DIAPH3: variants seen among roughly 807,000 people sequenced by gnomAD.
DIAPH3 encodes the protein protein diaphanous homolog 3.
Under a neutral mutation model 144.3 loss-of-function variants are expected in DIAPH3, and 117 were observed. The ratio of observed to expected loss-of-function variants is 0.81; its 90% CI spans 0.70 to 0.95. The LOEUF is 0.95. Ranked by LOEUF, DIAPH3 falls within the 40% of genes least tolerant of loss-of-function variation. DIAPH3 has a pLI of 0.00. For missense variants in DIAPH3, 1,421 were observed against 1,412.7 expected (o/e 1.01, Z -0.09); for synonymous variants, 519 against 488.9 (o/e 1.06, Z -0.81).
At chr13:60,092,962 A>C (rs1355935580) in intron 4 of DIAPH3, among the ~76,000 whole-genome samples, 1 of 152,158 alleles carries the variant, frequency 6.6e-6, no homozygotes, top group Non-Finnish European at 1.5e-5. Flanking sequence ...CTTTCTACTG[A>C]TTGCTTCTTC....
intron 3 of DIAPH3, among the ~76,000 whole-genome samples, chr13:60,106,096 T>G (rs1262578625): frequency 6.6e-6 from 1 of 152,062 alleles, no homozygotes; most frequent in African/African-American, 2.4e-5. Context: ...ACCAAAAATA[T>G]CAAAAGAACA....
In DIAPH3 at chr13:59,686,528, C is replaced by CTATTTTTTAAAAGT. The variant is rs529809845; in HGVS notation, c.3320-19683_3320-19682insACTTTTAAAAAATA. The stretch of plus-strand genomic sequence containing the variant: ...GCTCTTCAGGAAAAAAAAAAAAGTA[C>CTATTTTTTAAAAGT]TGCTATTTAATAAACTCAAGGATCT... On this transcript the variant is annotated intron_variant, in intron 27 of 27. Transcript: ENST00000400324. 1.6e-3 allele frequency among the ~76,000 whole-genome samples: 239 copies of CTATTTTTTAAAAGT among 151,148 alleles called. 1 individual carries two copies. The highest frequency in any genetic ancestry group is 5.6e-3 in the African/African-American group (233 of 41,254).
At position 59,986,751 on chromosome 13, in the gene DIAPH3, A is replaced by C. The variant is rs1444919741; in HGVS notation, c.1362-2864T>G. ...GCTCATCATCACTGGCCATCAGAGA[A>C]ATGCAAATCAAAACCACTATGAGAT... is the stretch of plus-strand genomic sequence containing the variant. On this transcript the variant is annotated intron_variant, in intron 12 of 27. Transcript: ENST00000400324. Among the ~76,000 whole-genome samples the C allele has an allele frequency of 2.0e-5, 3 of 149,758 alleles. No homozygotes were observed. The East Asian group carries it at 5.9e-4, about 29-fold the overall frequency.
intron 14 of DIAPH3, among the ~76,000 whole-genome samples, chr13:59,975,767 C>T (rs980792985): frequency 7.9e-5 from 12 of 152,044 alleles, no homozygotes; most frequent in African/African-American, 2.7e-4. Flanking sequence ...CAGTCTCAAC[C>T]TGTGTTCCTT....
chr13:60,132,187 C>G (rs572807159), intron 2 of DIAPH3, among the ~76,000 whole-genome samples: 14 of 152,120 alleles, frequency 9.2e-5, no homozygotes, highest in Admixed American at 3.3e-4. Context: ...TCTGCCTTAC[C>G]CAGGTGCATA....
At chr13:60,023,730 A>G (rs532184834) in intron 5 of DIAPH3, among the ~76,000 whole-genome samples, 34 of 151,630 alleles carry the variant, frequency 2.2e-4, no homozygotes, top group Non-Finnish European at 4.3e-4. Flanking sequence ...CACCGTGCCC[A>G]GCCTAGTTCT....
intron 25 of DIAPH3, among the ~76,000 whole-genome samples, chr13:59,800,930 A>G (rs1048831453): frequency 1.3e-5 from 2 of 152,204 alleles, no homozygotes; most frequent in Admixed American, 6.5e-5. Context: ...TGCGTTCAAG[A>G]AATAATGAGT....
At chr13:60,133,715 G>C (rs926770385) in intron 1 of DIAPH3, among the ~76,000 whole-genome samples, 14 of 152,056 alleles carry the variant, frequency 9.2e-5, no homozygotes, top group African/African-American at 3.4e-4. Flanking sequence ...TAATTATTTA[G>C]AGAAAAAACA....
intron 7 of DIAPH3, 38 bp from the exon 8 acceptor site, chr13:60,010,707 ATTAG>A (rs778831681): frequency 3.8e-6 from 6 of 1,593,084 alleles, no homozygotes; most frequent in Admixed American, 3.4e-5. Context: ...AATGTTAGAA[ATTAG>A]TTAGAAAAAT....
At chr13:59,678,193 G>C (rs931518133) in intron 27 of DIAPH3, among the ~76,000 whole-genome samples, 20 of 152,078 alleles carry the variant, frequency 1.3e-4, no homozygotes, top group African/African-American at 4.6e-4. Context: ...CTGACGGACT[G>C]GCCTTTTTTT....
At chr13:59,914,376 A>C (rs919604025) in intron 19 of DIAPH3, among the ~76,000 whole-genome samples, 4 of 152,186 alleles carry the variant, frequency 2.6e-5, no homozygotes, top group African/African-American at 7.2e-5. Context: ...GTTCAAAATA[A>C]ATTTTTACAT....
At chr13:60,121,057 C>A (rs1477254365) in intron 2 of DIAPH3, among the ~76,000 whole-genome samples, 1 of 152,082 alleles carries the variant, frequency 6.6e-6, no homozygotes, top group Non-Finnish European at 1.5e-5. Flanking sequence ...AATAAATGTT[C>A]TTCACTATTG....
At chr13:60,139,592 C>A (rs1175602758) in intron 1 of DIAPH3, among the ~76,000 whole-genome samples, 1 of 152,050 alleles carries the variant, frequency 6.6e-6, no homozygotes, top group Non-Finnish European at 1.5e-5. Context: ...AGATGCATTT[C>A]TCTGAGAACA....
At position 59,810,919 on chromosome 13, in the gene DIAPH3, G is replaced by A. The variant is rs1407239240; in HGVS notation, c.3032C>T (p.Ala1011Val). Residue 1011 changes from alanine to valine, a missense_variant, in exon 25 of 28, where the codon GCA (alanine) becomes GTA (valine). Transcript: ENST00000400324. The stretch of plus-strand genomic sequence containing the variant: ...TCTTTTTTTGATATTCTCCTTTATT[G>A]CTTGCTAAAAAAATTTTGAAAAATG... ...LNNFRTTFMQ[A>V]IKENIKKREA... 6.8e-7 allele frequency: 1 copy of A among 1,464,578 alleles called. No individual in the cohort carries two copies. The highest frequency in any genetic ancestry group is 9.0e-7 in the Non-Finnish European group (1 of 1,110,006). The allele number at this position is 1,464,578 out of a possible 1,614,324, so 90.7% of individuals were successfully genotyped here. A position where few individuals can be genotyped will look rare whatever the true frequency, so the allele number is the denominator to read the frequency against.
chr13:60,014,777 A>G (rs2053519653), intron 7 of DIAPH3, among the ~76,000 whole-genome samples: 1 of 152,196 alleles, frequency 6.6e-6, no homozygotes, highest in South Asian at 2.1e-4. Flanking sequence ...GCTGTCTAAC[A>G]GCAACTTAAA....
In DIAPH3 at chr13:60,008,687, A is replaced by G. The variant is rs764258345; in HGVS notation, c.909-38T>C. 6 of 1,252,292 alleles carry G rather than the reference A, an allele frequency of 4.8e-6. No individual in the cohort carries two copies. In the Admixed American group the frequency reaches 1.0e-4, roughly 21 times the overall value. 77.6% of individuals were successfully genotyped at this position (1,252,292 alleles called of 1,614,324 possible). A position where few individuals can be genotyped will look rare whatever the true frequency, so the allele number is the denominator to read the frequency against. ...TTGAGTCAATTAAATTGCAAGTAGC[A>G]AACACAAATGCCATAATACAATTGC... is the stretch of plus-strand genomic sequence containing the variant. On this transcript the variant is annotated intron_variant, in intron 8 of 27. Transcript: ENST00000400324.
chr13:59,768,661 T>C (rs2037973221), intron 27 of DIAPH3, among the ~76,000 whole-genome samples: 1 of 152,146 alleles, frequency 6.6e-6, no homozygotes, highest in African/African-American at 2.4e-5. Flanking sequence ...TAGAAAAATA[T>C]GCTAATTCAA....
chr13:59,709,446 A>G (rs892134496), intron 27 of DIAPH3, among the ~76,000 whole-genome samples: 2 of 152,344 alleles, frequency 1.3e-5, no homozygotes, highest in African/African-American at 4.8e-5. Context: ...ACATGAACAG[A>G]CACTTCTCAA....
intron 14 of DIAPH3, 73 bp from the exon 15 acceptor site, chr13:59,974,529 T>C (rs2050563644): frequency 3.2e-6 from 4 of 1,237,034 alleles, no homozygotes; most frequent in African/African-American, 1.5e-5. Flanking sequence ...TATAGAAATG[T>C]GACTCGAATG....
Sources: gnomAD v4.1 joint callset for allele counts (sites outside exome capture counted in the v4.1 genomes callset) on GRCh38, gnomAD v4.1.1 for gene constraint, MANE v1.5 for transcripts, NCBI Gene and HGNC (gene_info 2026-07-23, HGNC 2026-07-21) for gene names.